Variants in STPG2 observed in about 807,000 individuals in gnomAD.
STPG2 encodes the protein sperm tail PG-rich repeat containing 2, also known as sperm-tail PG-rich repeat-containing protein 2.
Under a neutral mutation model 54.2 loss-of-function variants are expected in STPG2, and 56 were observed. The observed-to-expected ratio is 1.03, with a 90% CI of 0.83 to 1.29. The LOEUF is 1.29. STPG2 is among the 50% of genes most tolerant of loss of function. The probability of loss-of-function intolerance (pLI) is 0.00; values close to 1 mark genes in which losing one functional copy is unlikely to be tolerated. For missense variants in STPG2, 596 were observed against 544.9 expected, an observed-to-expected ratio of 1.09 and a Z score of -0.93; for synonymous variants, 200 against 181.8, an observed-to-expected ratio of 1.10 and a Z score of -0.81.
chr4:97,921,954 T>C (rs147639362), intron 8 of STPG2, among the ~76,000 whole-genome samples: 1 of 152,304 alleles, frequency 6.6e-6, no homozygotes, highest in East Asian at 1.9e-4. Flanking sequence ...TTCACTTATA[T>C]GTTGAATGTA....
intron 8 of STPG2, among the ~76,000 whole-genome samples, chr4:97,917,717 C>T (rs1731937495): frequency 6.6e-6 from 1 of 152,102 alleles, no homozygotes; most frequent in Admixed American, 6.5e-5. Flanking sequence ...ATCTCATAAA[C>T]TCTGGGGACA....
chr4:97,543,543 C>G (rs1436201807), intron 4 of STPG2, among the ~76,000 whole-genome samples: 1 of 151,882 alleles, frequency 6.6e-6, no homozygotes, highest in East Asian at 1.9e-4. Context: ...ACACGCCAAA[C>G]AATTAAACAA....
rs185726678 is a variant in STPG2, at chr4:97,887,661, A to C, written c.1045-46729T>G. On this transcript the variant is annotated intron_variant, in intron 8 of 10. Transcript: ENST00000295268. ...AGTTAGAAAAATTTGTAGCCTGCTC[A>C]TGTGGTAAGAAAAGAAAAGTTTATT... Among the ~76,000 whole-genome samples, 4 of 152,352 alleles carry C rather than the reference A, an allele frequency of 2.6e-5. No homozygotes were observed. The East Asian group carries it at 7.7e-4, about 29-fold the overall frequency.
At chr4:98,108,875 C>T (rs1453398271) in intron 4 of STPG2, among the ~76,000 whole-genome samples, 3 of 151,430 alleles carry the variant, frequency 2.0e-5, no homozygotes, top group Non-Finnish European at 4.4e-5. Flanking sequence ...AAACAATTAA[C>T]TTGGGGGGAT....
At chr4:97,661,312 C>G (rs1402984471) in intron 10 of STPG2, among the ~76,000 whole-genome samples, 1 of 152,078 alleles carries the variant, frequency 6.6e-6, no homozygotes. Flanking sequence ...TACATTTGGG[C>G]AAGTTAATTA....
chr4:98,086,666 GAAAAAAA>G (rs35225418), intron 5 of STPG2, among the ~76,000 whole-genome samples: 2 of 94,902 alleles, frequency 2.1e-5, no homozygotes, highest in South Asian at 3.9e-4. Context: ...ATGCATGCCA[GAAAAAAA>G]AAAAAAAAAA....
chr4:97,574,374 C>T (rs530910762), intron 10 of STPG2, among the ~76,000 whole-genome samples: 157 of 151,618 alleles, frequency 1.0e-3, no homozygotes, highest in African/African-American at 3.7e-3. Flanking sequence ...TTTTATGTGA[C>T]ACAGGAACCT....
intron 4 of STPG2, among the ~76,000 whole-genome samples, chr4:97,442,772 C>A (rs1729122790): frequency 1.3e-5 from 2 of 152,076 alleles, no homozygotes; most frequent in South Asian, 4.1e-4. Flanking sequence ...ATAACATATT[C>A]TTAGTTTCTA....
chr4:97,451,696 G>A (rs1212787893), intron 4 of STPG2, among the ~76,000 whole-genome samples: 1 of 151,984 alleles, frequency 6.6e-6, no homozygotes, highest in East Asian at 1.9e-4. Flanking sequence ...GAGTTGCAAA[G>A]GATTATAAGA....
chr4:97,667,365 T>A (rs575793915), intron 10 of STPG2, among the ~76,000 whole-genome samples: 1 of 152,304 alleles, frequency 6.6e-6, no homozygotes, highest in African/African-American at 2.4e-5. Context: ...AATTGCTAAC[T>A]TTTTTGTATT....
chr4:98,026,285 G>A, intron 5 of STPG2: 1 of 734,300 alleles, frequency 1.4e-6, no homozygotes, highest in Admixed American at 2.4e-5. Context: ...AATTTTCTAT[G>A]AAGATTTTCA....
chr4:97,900,943 A>C (rs1160184904), intron 8 of STPG2, among the ~76,000 whole-genome samples: 1 of 152,072 alleles, frequency 6.6e-6, no homozygotes, highest in African/African-American at 2.4e-5. Context: ...TTTTTAAAAC[A>C]TAAGAGGTGA....
chr4:97,619,924 C>T (rs559407712), intron 10 of STPG2, among the ~76,000 whole-genome samples: 7 of 151,312 alleles, frequency 4.6e-5, no homozygotes, highest in Middle Eastern at 3.4e-3. Context: ...CCCGGGTTCA[C>T]GCCATTCTCC....
At chr4:97,941,650 C>A (rs539176134) in intron 8 of STPG2, among the ~76,000 whole-genome samples, 1 of 152,076 alleles carries the variant, frequency 6.6e-6, no homozygotes, top group South Asian at 2.1e-4. Context: ...GCTATCAAAT[C>A]ATCTTTTAAG....
At chr4:98,095,648 A>G (rs1002057647) in intron 5 of STPG2, among the ~76,000 whole-genome samples, 6 of 152,238 alleles carry the variant, frequency 3.9e-5, no homozygotes, top group Admixed American at 2.6e-4. Context: ...TGTGCCCAAC[A>G]TGGGAGAACA....
chr4:98,061,654 T>G (rs1171584456), intron 5 of STPG2, among the ~76,000 whole-genome samples: 1 of 151,850 alleles, frequency 6.6e-6, no homozygotes, highest in Non-Finnish European at 1.5e-5. Context: ...CAGACAAGTC[T>G]CAAAAGAAGA....
chr4:97,937,872 G>A (rs1306629027), intron 8 of STPG2, among the ~76,000 whole-genome samples: 1 of 152,180 alleles, frequency 6.6e-6, no homozygotes, highest in Non-Finnish European at 1.5e-5. Flanking sequence ...GGTGGGCGCA[G>A]GAACCAAGAC....
At chr4:97,541,053 A>G (rs191846694) in intron 4 of STPG2, among the ~76,000 whole-genome samples, 64 of 152,234 alleles carry the variant, frequency 4.2e-4, no homozygotes, top group African/African-American at 1.5e-3. Context: ...CCTTTGAAAA[A>G]TGGCACAAGA....
chr4:97,943,708 C>T (rs28417716), intron 8 of STPG2, among the ~76,000 whole-genome samples, 189 bp downstream of exon 8: 59,307 of 151,892 alleles, frequency 0.39, 11,706 homozygotes, highest in Middle Eastern at 0.46. Context: ...TCTCATATAG[C>T]AATTCTGGAC....
Sources: gnomAD v4.1 joint callset for allele counts (sites outside exome capture counted in the v4.1 genomes callset) on GRCh38, gnomAD v4.1.1 for gene constraint, MANE v1.5 for transcripts, NCBI Gene and HGNC (gene_info 2026-07-23, HGNC 2026-07-21) for gene names.